The following ITPR1 variants were observed in gnomAD, a reference collection of about 807,000 sequenced individuals.
The protein encoded by ITPR1 is inositol 1,4,5-trisphosphate-gated calcium channel ITPR1.
A neutral mutation model predicts 318.4 loss-of-function variants in ITPR1; 96 were observed. The observed-to-expected ratio is 0.30, with a 90% CI of 0.26 to 0.36. ITPR1 has a LOEUF of 0.36. Among genes scored for constraint, ITPR1 ranks in the 10% least tolerant of loss-of-function variants. The probability of loss-of-function intolerance (pLI) is 1.00; values close to 1 mark genes in which losing one functional copy is unlikely to be tolerated. For missense variants in ITPR1, 2,440 were observed against 3,460.2 expected (o/e 0.71, Z 7.40); for synonymous variants, 1,312 against 1,289.9 (o/e 1.02, Z -0.37).
At position 4,645,485 on chromosome 3, in the gene ITPR1, T is replaced by G; in HGVS notation, c.708+15T>G. 1 of 1,608,068 alleles carries G rather than the reference T, an allele frequency of 6.2e-7. No homozygotes were observed. On this transcript the variant is annotated intron_variant, in intron 9 of 61. Transcript: ENST00000649015. Reference sequence around the variant, plus strand: ...TATTAAAGGGGGTGAGTTTGATGCTTTATGGGCTGAGCATTACTTGGCTCT... The same window carrying G: ...TATTAAAGGGGGTGAGTTTGATGCTGTATGGGCTGAGCATTACTTGGCTCT...
intron 10 of ITPR1, among the ~76,000 whole-genome samples, chr3:4,648,423 G>A (rs961086386): frequency 2.6e-5 from 4 of 152,014 alleles, no homozygotes; most frequent in African/African-American, 9.7e-5. Flanking sequence ...CAGAGTTTTT[G>A]CTTTAACATC....
intron 4 of ITPR1, among the ~76,000 whole-genome samples, chr3:4,537,305 C>G (rs1380159105): frequency 6.6e-6 from 1 of 152,184 alleles, no homozygotes. Context: ...GATTCACATT[C>G]CTTATGTCTT....
At position 4,818,196 on chromosome 3, in the gene ITPR1, C is replaced by T; in HGVS notation, c.7982C>T (p.Ser2661Phe). ...CFIVLVKVKDSTEYTGPESYV... is the reference protein window; with the variant it reads ...CFIVLVKVKDFTEYTGPESYV... The stretch of plus-strand genomic sequence containing the variant: ...ATCGTCCTGGTGAAAGTAAAGGACT[C>T]CACCGAATATACTGGGCCTGAGAGT... The change falls in exon 60 of 62, where the codon TCC becomes TTC. Residue 2661 changes from serine to phenylalanine, a missense_variant. This residue lies in a region of ITPR1 where 72 missense variants were observed against 197.7 expected (regional missense o/e 0.36). Transcript: ENST00000649015. 5 of 1,595,040 alleles carry T rather than the reference C, an allele frequency of 3.1e-6. No homozygotes were observed. The highest frequency in any genetic ancestry group is 3.4e-6 in the Non-Finnish European group (4 of 1,165,076).
chr3:4,511,665 A>G (rs539925302), intron 2 of ITPR1, among the ~76,000 whole-genome samples: 36 of 152,276 alleles, frequency 2.4e-4, no homozygotes, highest in African/African-American at 8.4e-4. Context: ...TACAGCTGGG[A>G]AAAGTGAGGC....
intron 51 of ITPR1, among the ~76,000 whole-genome samples, chr3:4,787,102 C>T (rs375007476): frequency 4.2e-4 from 64 of 152,218 alleles, no homozygotes; most frequent in African/African-American, 1.2e-3. Context: ...TGGGGCCACA[C>T]GTGACTAGCG....
chr3:4,706,479 T>G, intron 37 of ITPR1, 128 bp downstream of exon 37: 1 of 765,136 alleles, frequency 1.3e-6, no homozygotes, highest in Non-Finnish European at 2.0e-6. Flanking sequence ...GCTGAACGAA[T>G]AGTCAAATGT....
At chr3:4,552,845 A>T (rs553815708) in intron 4 of ITPR1, among the ~76,000 whole-genome samples, 5 of 152,164 alleles carry the variant, frequency 3.3e-5, no homozygotes, top group Non-Finnish European at 7.4e-5. Flanking sequence ...ACTCATTAGC[A>T]TGCAAAAGAC....
intron 59 of ITPR1, among the ~76,000 whole-genome samples, chr3:4,816,455 G>C (rs1345362454): frequency 6.6e-6 from 1 of 152,060 alleles, no homozygotes; most frequent in Non-Finnish European, 1.5e-5. Context: ...CTAGTATCTC[G>C]GCTCACTGTA....
rs917346441 is a variant in ITPR1, at chr3:4,639,532, A to G, written c.366+62A>G. On this transcript the variant is annotated intron_variant, in intron 6 of 61. Transcript: ENST00000649015. The stretch of plus-strand genomic sequence containing the variant: ...CGTTACAAAGAATGCAGCTGAGGAA[A>G]CAAACACCTAAGACAGGGTTTGGAC... The G allele has an allele frequency of 1.2e-5, 15 of 1,225,060 alleles. 1 individual carries two copies. The highest frequency in any genetic ancestry group is 2.5e-5 in the East Asian group (1 of 39,372). The allele number at this position is 1,225,060 out of a possible 1,614,324, so 75.9% of individuals were successfully genotyped here.
chr3:4,588,083 G>T lies in ITPR1; in HGVS notation c.164-39680G>T, dbSNP rs138444536. Reference sequence around the variant, plus strand: ...TCCTCAAAGACATTTGGTTCAATCTGACACTTGATGCTTAGCTGTCCCCTT... The same window carrying T: ...TCCTCAAAGACATTTGGTTCAATCTTACACTTGATGCTTAGCTGTCCCCTT... On this transcript the variant is annotated intron_variant, in intron 4 of 61. Transcript: ENST00000649015. Among the ~76,000 whole-genome samples the T allele has an allele frequency of 2.3e-3, 356 of 152,310 alleles. 1 individual carries two copies. Among genetic ancestry groups the T allele is most frequent in the African/African-American group, 8.1e-3 (337 of 41,556 alleles).
chr3:4,523,980 G>A (rs1018451110), intron 4 of ITPR1, among the ~76,000 whole-genome samples: 6 of 152,184 alleles, frequency 3.9e-5, no homozygotes, highest in African/African-American at 1.4e-4. Context: ...AGGTGGTCAC[G>A]TGACAGTGAC....
chr3:4,826,298 C>T lies in ITPR1; in HGVS notation c.8028+8056C>T, dbSNP rs2050071528. ...TTGGTAGTGCTGAGCAGCAGCTTTC[C>T]TTGTGGCCTAACCTGGGAGGCCACG... On this transcript the variant is annotated intron_variant, in intron 60 of 61. Transcript: ENST00000649015. This position sits in a 1 kb window ranked among gnomAD's most constrained non-coding sequence, Gnocchi z 4.2. 6.6e-6 allele frequency among the ~76,000 whole-genome samples: 1 copy of T among 152,238 alleles called. No homozygotes were observed.
chr3:4,703,253 G>A (rs1559731873), intron 36 of ITPR1, among the ~76,000 whole-genome samples: 1 of 152,146 alleles, frequency 6.6e-6, no homozygotes, highest in Non-Finnish European at 1.5e-5. Flanking sequence ...CAAGGCCCTG[G>A]GAAGTCCCTC....
At position 4,670,767 on chromosome 3, in the gene ITPR1, C is replaced by G; in HGVS notation, c.2045C>G (p.Ser682Cys). Residue 682 changes from serine (S) to cysteine (C), a missense_variant, in exon 20 of 62, where the codon TCC (serine) becomes TGC (cysteine). By Grantham distance (112) the Ser-to-Cys change is moderately radical. Coordinates refer to ENST00000649015, the MANE Select transcript of ITPR1 (RefSeq NM_001378452.1). ...CGTTTTGAATTTGAAGGTGTCTCTT[C>G]CACTGGAGAGAATGCTCTGGAGGCA... is the stretch of plus-strand genomic sequence containing the variant. ...LSRFEFEGVS[S>C]TGENALEAGE... is the part of the protein sequence containing the mutation. 6.2e-7 allele frequency: 1 copy of G among 1,604,216 alleles called. No individual in the cohort carries two copies. The highest frequency in any genetic ancestry group is 8.5e-7 in the Non-Finnish European group (1 of 1,174,908).
At chr3:4,630,516 A>T (rs1013816208) in intron 5 of ITPR1, among the ~76,000 whole-genome samples, 2 of 121,962 alleles carry the variant, frequency 1.6e-5, no homozygotes, top group Non-Finnish European at 3.2e-5. Flanking sequence ...ACTTTTTCTT[A>T]TATCAGATTT....
intron 44 of ITPR1, among the ~76,000 whole-genome samples, chr3:4,763,391 G>T (rs1283884876): frequency 1.3e-5 from 2 of 151,426 alleles, no homozygotes; most frequent in African/African-American, 4.9e-5. Context: ...TACTTGAACA[G>T]AATAAAAAAA....
At chr3:4,561,766 G>T (rs2086697318) in intron 4 of ITPR1, among the ~76,000 whole-genome samples, 1 of 151,840 alleles carries the variant, frequency 6.6e-6, no homozygotes, top group Non-Finnish European at 1.5e-5. Context: ...AATTTAACGT[G>T]GGTTAAAAGA....
At chr3:4,504,477 T>C (rs1363703202) in intron 2 of ITPR1, among the ~76,000 whole-genome samples, 2 of 152,216 alleles carry the variant, frequency 1.3e-5, no homozygotes, top group Non-Finnish European at 2.9e-5. Context: ...AATACAATTT[T>C]CTATGCTCCC....
chr3:4,780,178 A>G (rs113663960), intron 49 of ITPR1, among the ~76,000 whole-genome samples: 5,288 of 152,220 alleles, frequency 0.035, 129 homozygotes, highest in South Asian at 0.064. Context: ...AGATGAGAAG[A>G]TTCATGTCAA....
Sources: gnomAD v4.1 joint callset for allele counts (sites outside exome capture counted in the v4.1 genomes callset) on GRCh38, gnomAD v4.1.1 for gene constraint, gnomAD v4.1.1 regional missense constraint, Gnocchi (gnomAD v3.1) non-coding constraint, MANE v1.5 for transcripts, NCBI Gene and HGNC (gene_info 2026-07-23, HGNC 2026-07-21) for gene names.